The following KCNJ12 variants were observed in gnomAD, a reference collection of about 807,000 sequenced individuals.
The protein encoded by KCNJ12 is ATP-sensitive inward rectifier potassium channel 12.
A neutral mutation model predicts 22.3 loss-of-function variants in KCNJ12; 2 were observed. The observed-to-expected ratio is 0.09, with a 90% CI of 0.04 to 0.28. The LOEUF (loss-of-function observed/expected upper bound fraction) is 0.28, where lower values mean the gene tolerates loss of function less well. Among genes scored for constraint, KCNJ12 ranks in the 10% least tolerant of loss-of-function variants. The probability of loss-of-function intolerance (pLI) is 1.00; values close to 1 mark genes in which losing one functional copy is unlikely to be tolerated. For synonymous variants in KCNJ12, 117 were observed against 261.4 expected, an observed-to-expected ratio of 0.45 and a Z score of 5.33; for missense variants, 155 against 633.3, an observed-to-expected ratio of 0.24 and a Z score of 8.11.
At chr17:21,402,500 T>G (rs1184942096) in intron 1 of KCNJ12, among the ~76,000 whole-genome samples, 1 of 152,306 alleles carries the variant, frequency 6.6e-6, no homozygotes, top group Admixed American at 6.5e-5. Flanking sequence ...CGCTCACAGA[T>G]CTGAACTGTA....
chr17:21,377,051 T>C (rs1555557354), intron 1 of KCNJ12, 138 bp downstream of exon 1: 1 of 152,220 alleles, frequency 6.6e-6, no homozygotes, highest in Non-Finnish European at 1.5e-5. Context: ...GAGGGTGTTT[T>C]CTTCCTCTCG....
At chr17:21,382,665 A>G (rs1404230104) in intron 1 of KCNJ12, among the ~76,000 whole-genome samples, 8 of 152,098 alleles carry the variant, frequency 5.3e-5, no homozygotes, top group African/African-American at 1.9e-4. Flanking sequence ...CTGGATGTCC[A>G]TGTTGCCTCA....
chr17:21,383,329 C>A (rs537597581), intron 1 of KCNJ12, among the ~76,000 whole-genome samples: 1 of 152,210 alleles, frequency 6.6e-6, no homozygotes, highest in African/African-American at 2.4e-5. Context: ...GAGCCAACCC[C>A]GCCCCGACCC....
chr17:21,392,002 G>A (rs962890052), intron 1 of KCNJ12, among the ~76,000 whole-genome samples: 28 of 152,316 alleles, frequency 1.8e-4, no homozygotes, highest in Admixed American at 1.6e-3. Flanking sequence ...ACAGGAATCC[G>A]TCTTGCCTCC....
chr17:21,390,278 C>A (rs184209783), intron 1 of KCNJ12, among the ~76,000 whole-genome samples: 1 of 152,328 alleles, frequency 6.6e-6, no homozygotes, highest in African/African-American at 2.4e-5. Flanking sequence ...CTGCACTACA[C>A]CCTGGTTGGG....
Position 21,415,407 on chromosome 17 carries a change from T to C in KCNJ12, c.65T>C (p.Leu22Pro). The C allele has an allele frequency of 6.2e-7, 1 of 1,613,718 alleles. No individual in the cohort carries two copies. Among genetic ancestry groups the C allele is most frequent in the Non-Finnish European group, 8.5e-7 (1 of 1,180,050 alleles). The change falls in exon 3 of 3, where the codon CTG (leucine) becomes CCG (proline). Residue 22 changes from leucine (L) to proline (P), a missense_variant. By Grantham distance (98) the Leu-to-Pro change is moderately conservative. Coordinates refer to ENST00000583088, the MANE Select transcript of KCNJ12 (RefSeq NM_021012.5). ...IVSSEEDGLH[L>P]VTMSGANGFG... ...TCATCGGAGGAGGACGGGCTGCACC[T>C]GGTCACCATGTCGGGCGCCAACGGC...
chr17:21,387,104 G>A (rs540652845), intron 1 of KCNJ12, among the ~76,000 whole-genome samples: 7 of 146,272 alleles, frequency 4.8e-5, no homozygotes, highest in East Asian at 4.2e-4. Context: ...TGCAGTGAGC[G>A]GAGATCGCGC....
At chr17:21,390,660 TC>T (rs782271506) in intron 1 of KCNJ12, among the ~76,000 whole-genome samples, 1 of 152,208 alleles carries the variant, frequency 6.6e-6, no homozygotes, top group Non-Finnish European at 1.5e-5. Flanking sequence ...AAGCATTTCT[TC>T]CAGCTCCCTG....
chr17:21,406,147 G>C (rs1273402209), intron 1 of KCNJ12, among the ~76,000 whole-genome samples: 3 of 152,300 alleles, frequency 2.0e-5, no homozygotes, highest in Admixed American at 6.5e-5. Context: ...CAGAGTTCCA[G>C]CTCCAGGTGA....
intron 1 of KCNJ12, among the ~76,000 whole-genome samples, chr17:21,377,758 TA>T (rs1904717169): frequency 6.6e-6 from 1 of 152,190 alleles, no homozygotes; most frequent in Non-Finnish European, 1.5e-5. Context: ...GTGAATATTT[TA>T]AAACCTGTGA....
At chr17:21,379,553 G>A (rs1324653601) in intron 1 of KCNJ12, among the ~76,000 whole-genome samples, 2 of 152,196 alleles carry the variant, frequency 1.3e-5, no homozygotes, top group African/African-American at 4.8e-5. Context: ...CCCTGCCACC[G>A]GCTAGCGTGG....
intron 1 of KCNJ12, among the ~76,000 whole-genome samples, chr17:21,383,149 T>A (rs1170810758): frequency 3.3e-5 from 5 of 151,880 alleles, no homozygotes; most frequent in African/African-American, 1.2e-4. Context: ...GCAGGAGAGG[T>A]CAAGGGGGAT....
At chr17:21,402,334 T>C (rs1381260689) in intron 1 of KCNJ12, among the ~76,000 whole-genome samples, 3 of 152,010 alleles carry the variant, frequency 2.0e-5, no homozygotes, top group African/African-American at 4.8e-5. Flanking sequence ...TCAAGTTCTT[T>C]TTTTTTCCTC....
At chr17:21,397,289 C>T (rs566354287) in intron 1 of KCNJ12, among the ~76,000 whole-genome samples, 3 of 152,318 alleles carry the variant, frequency 2.0e-5, no homozygotes, top group South Asian at 2.1e-4. Context: ...CCTGTAGCTG[C>T]GATCACAGCT....
At chr17:21,392,269 G>A (rs571471461) in intron 1 of KCNJ12, among the ~76,000 whole-genome samples, 2 of 152,382 alleles carry the variant, frequency 1.3e-5, no homozygotes, top group East Asian at 3.8e-4. Context: ...AGGGCTTCCA[G>A]AGGTCCAGGC....
intron 1 of KCNJ12, among the ~76,000 whole-genome samples, chr17:21,387,487 C>A (rs556982235): frequency 2.0e-4 from 29 of 144,306 alleles, no homozygotes; most frequent in African/African-American, 7.1e-4. Flanking sequence ...TTTTTTAGAA[C>A]CATACTTTGG....
In KCNJ12 at chr17:21,415,408, G is replaced by A. The variant is rs1215477462; in HGVS notation, c.66G>A (p.Leu22=). The change falls in exon 3 of 3, where the codon CTG becomes CTA. Residue 22 remains leucine (L), a synonymous_variant. Transcript: ENST00000583088. The stretch of plus-strand genomic sequence containing the variant: ...CATCGGAGGAGGACGGGCTGCACCT[G>A]GTCACCATGTCGGGCGCCAACGGCT... The part of the protein sequence containing the change: ...IVSSEEDGLH[L]VTMSGANGFG... 1.9e-6 allele frequency: 3 copies of A among 1,613,562 alleles called. No individual in the cohort carries two copies. In the African/African-American group the frequency reaches 4.0e-5, roughly 22 times the overall value.
chr17:21,383,336 A>C (rs1406114708), intron 1 of KCNJ12, among the ~76,000 whole-genome samples: 1 of 151,560 alleles, frequency 6.6e-6, no homozygotes, highest in African/African-American at 2.4e-5. Flanking sequence ...CCCCGCCCCG[A>C]CCCTCTGCCT....
intron 1 of KCNJ12, among the ~76,000 whole-genome samples, chr17:21,378,654 C>G (rs1555557564): frequency 6.6e-6 from 1 of 152,136 alleles, no homozygotes; most frequent in Non-Finnish European, 1.5e-5. Context: ...AGTAGGCAGT[C>G]TGTAAATGCT....
Sources: gnomAD v4.1 joint callset for allele counts (sites outside exome capture counted in the v4.1 genomes callset) on GRCh38, gnomAD v4.1.1 for gene constraint, MANE v1.5 for transcripts, NCBI Gene and HGNC (gene_info 2026-07-23, HGNC 2026-07-21) for gene names.